The following LPAR3 variants were observed in gnomAD, a reference collection of about 807,000 sequenced individuals.
LPAR3 encodes LPA receptor 3.
In LPAR3, 7 loss-of-function variants were observed where a neutral mutation model predicts 17.8. The observed-to-expected ratio is 0.39, with a 90% confidence interval of 0.22 to 0.74. The LOEUF (loss-of-function observed/expected upper bound fraction) is 0.74, where lower values mean the gene tolerates loss of function less well. Ranked by LOEUF, LPAR3 falls within the 30% of genes least tolerant of loss-of-function variation. LPAR3 has a pLI of 0.40. For synonymous variants in LPAR3, 179 were observed against 179.9 expected, an observed-to-expected ratio of 0.99 and a Z score of 0.04; for missense variants, 391 against 453.4, an observed-to-expected ratio of 0.86 and a Z score of 1.25.
At chr1:84,827,950 C>T (rs1307552310) in intron 2 of LPAR3, among the ~76,000 whole-genome samples, 1 of 151,994 alleles carries the variant, frequency 6.6e-6, no homozygotes, top group Non-Finnish European at 1.5e-5. Context: ...CAATACTCCA[C>T]CATTGTGACT....
intron 2 of LPAR3, among the ~76,000 whole-genome samples, chr1:84,854,183 C>T (rs1659772957): frequency 6.6e-6 from 1 of 152,140 alleles, no homozygotes; most frequent in South Asian, 2.1e-4. Flanking sequence ...TGCCCAGTCT[C>T]CCCTTTCTAC....
At chr1:84,846,948 C>T (rs1659605051) in intron 2 of LPAR3, among the ~76,000 whole-genome samples, 1 of 152,122 alleles carries the variant, frequency 6.6e-6, no homozygotes, top group Non-Finnish European at 1.5e-5. Flanking sequence ...GTAGTTTATT[C>T]TCCTAGAAAT....
At chr1:84,824,984 G>A (rs1242635425) in intron 2 of LPAR3, among the ~76,000 whole-genome samples, 1 of 152,222 alleles carries the variant, frequency 6.6e-6, no homozygotes, top group African/African-American at 2.4e-5. Flanking sequence ...GGAGCAAGGA[G>A]TCTTGATTCA....
chr1:84,833,651 T>C (rs1659336274), intron 2 of LPAR3, among the ~76,000 whole-genome samples: 1 of 152,224 alleles, frequency 6.6e-6, no homozygotes, highest in African/African-American at 2.4e-5. Context: ...ATCCCAAATC[T>C]ATCACTTCCT....
intron 2 of LPAR3, among the ~76,000 whole-genome samples, chr1:84,841,456 A>G (rs1284115810): frequency 1.3e-5 from 2 of 152,226 alleles, no homozygotes; most frequent in Non-Finnish European, 2.9e-5. Context: ...ATGAGAGTCT[A>G]GGAAATTCTC....
At chr1:84,819,959 T>C (rs1030223506) in intron 2 of LPAR3, among the ~76,000 whole-genome samples, 2 of 152,188 alleles carry the variant, frequency 1.3e-5, no homozygotes, top group African/African-American at 4.8e-5. Flanking sequence ...CATTACCTGC[T>C]TAATTCCTCT....
chr1:84,874,145 T>C (rs1164671652), intron 1 of LPAR3, among the ~76,000 whole-genome samples: 36 of 152,142 alleles, frequency 2.4e-4, no homozygotes, highest in Admixed American at 2.4e-3. Flanking sequence ...TACTGGTCAG[T>C]AGAGGTTCCA....
At chr1:84,850,240 C>T (rs1020562820) in intron 2 of LPAR3, among the ~76,000 whole-genome samples, 7 of 151,720 alleles carry the variant, frequency 4.6e-5, no homozygotes, top group Middle Eastern at 3.2e-3. Flanking sequence ...TGTAACCAGC[C>T]ACCGCACAAA....
chr1:84,828,975 T>C (rs1397688490), intron 2 of LPAR3, among the ~76,000 whole-genome samples: 3 of 152,082 alleles, frequency 2.0e-5, no homozygotes, highest in East Asian at 1.9e-4. Flanking sequence ...GTAAACAAGA[T>C]GGACATGAGC....
chr1:84,828,231 TAGTC>T (rs1659203504), intron 2 of LPAR3, among the ~76,000 whole-genome samples: 1 of 152,126 alleles, frequency 6.6e-6, no homozygotes, highest in Non-Finnish European at 1.5e-5. Context: ...AATTCTTAAA[TAGTC>T]AGCTTCTCCA....
chr1:84,866,047 C>T lies in LPAR3; in HGVS notation c.74G>A (p.Trp25Ter). 6.2e-7 allele frequency: 1 copy of T among 1,613,934 alleles called. No individual in the cohort carries two copies. The highest frequency in any genetic ancestry group is 1.1e-5 in the South Asian group (1 of 91,062). ...NRSNTDTVDD[W>*]TGTKLVIVLC... ...AACAATCACAAGCTTTGTTCCTGTC[C>T]AGTCATCGACAGTATCAGTGTTGCT... is the stretch of plus-strand genomic sequence containing the variant. The change falls in exon 2 of 3, where the codon TGG becomes TAG. Residue 25 changes from tryptophan (W) to a stop codon, truncating the protein, a stop_gained. Transcript: ENST00000370611. LOFTEE classifies it high-confidence loss of function.
chr1:84,856,292 A>AC (rs1348022921), intron 2 of LPAR3, among the ~76,000 whole-genome samples: 2 of 151,914 alleles, frequency 1.3e-5, no homozygotes, highest in Non-Finnish European at 2.9e-5. Context: ...GAAAAGAATC[A>AC]CCCTCCTTCT....
chr1:84,839,503 T>C (rs1182840300), intron 2 of LPAR3, among the ~76,000 whole-genome samples: 3 of 152,028 alleles, frequency 2.0e-5, no homozygotes, highest in Non-Finnish European at 2.9e-5. Context: ...ATGAGACCTG[T>C]CTCTGCAAAA....
chr1:84,816,494 C>T (rs1483461147), intron 2 of LPAR3, among the ~76,000 whole-genome samples: 1 of 152,276 alleles, frequency 6.6e-6, no homozygotes, highest in East Asian at 1.9e-4. Context: ...ACAATGGTTT[C>T]TTCTCTTAAA....
intron 1 of LPAR3, among the ~76,000 whole-genome samples, chr1:84,871,718 T>A (rs1006608207): frequency 5.3e-5 from 8 of 152,218 alleles, no homozygotes; most frequent in African/African-American, 1.9e-4. Context: ...CAGGATAGCA[T>A]GGAAGATTTA....
intron 1 of LPAR3, among the ~76,000 whole-genome samples, chr1:84,885,975 G>C (rs1432564091): frequency 1.3e-5 from 2 of 152,082 alleles, no homozygotes; most frequent in African/African-American, 4.8e-5. Flanking sequence ...GCCTAATATA[G>C]AAAAATTTAT....
chr1:84,840,584 CAAATTTATAAT>C (rs1334994141), intron 2 of LPAR3, among the ~76,000 whole-genome samples: 10 of 152,056 alleles, frequency 6.6e-5, no homozygotes, highest in Non-Finnish European at 1.0e-4. Flanking sequence ...GCATAAGGAC[CAAATTTATAAT>C]AAAGTTACAA....
chr1:84,835,321 G>A (rs542865998), intron 2 of LPAR3, among the ~76,000 whole-genome samples: 79 of 152,266 alleles, frequency 5.2e-4, no homozygotes, highest in African/African-American at 1.8e-3. Flanking sequence ...GGAGAACCAC[G>A]TGGGCATGAT....
In LPAR3 at chr1:84,812,588, A is replaced by T. The variant is rs1239149030; in HGVS notation, c.*1258T>A. On this transcript the variant is annotated 3_prime_UTR_variant, in exon 3 of 3. Transcript: ENST00000370611. ...CCTGGTATTACAGGCATGTGCCACCATGCCTGGCTAGTTTTTGTATTTTTA... is the reference window on the plus strand; with the variant it reads ...CCTGGTATTACAGGCATGTGCCACCTTGCCTGGCTAGTTTTTGTATTTTTA... The T allele has an allele frequency of 1.3e-5, 2 of 151,894 alleles. No homozygotes were observed. The highest frequency in any genetic ancestry group is 4.8e-5 in the African/African-American group (2 of 41,350). 9.4% of individuals were successfully genotyped at this position (151,894 alleles called of 1,614,324 possible). A position where few individuals can be genotyped will look rare whatever the true frequency, so the allele number is the denominator to read the frequency against.
Sources: allele counts gnomAD v4.1 joint callset (sites outside exome capture counted in the v4.1 genomes callset), GRCh38; gene constraint gnomAD v4.1.1; transcripts MANE v1.5; gene names NCBI Gene and HGNC (gene_info 2026-07-23, HGNC 2026-07-21).